SLMAP: variants seen among roughly 807,000 people sequenced by gnomAD.
SLMAP encodes the protein sarcolemma associated protein.
Under a neutral mutation model 128.8 loss-of-function variants are expected in SLMAP, and 44 were observed. That is an observed-to-expected ratio of 0.34 (90% CI 0.27 to 0.44). The LOEUF (loss-of-function observed/expected upper bound fraction) is 0.44, where lower values mean the gene tolerates loss of function less well. Among genes scored for constraint, SLMAP ranks in the 20% least tolerant of loss-of-function variants. The probability of loss-of-function intolerance (pLI) is 1.00; values close to 1 mark genes in which losing one functional copy is unlikely to be tolerated. For missense variants in SLMAP, 787 were observed against 985.3 expected, an observed-to-expected ratio of 0.80 and a Z score of 2.69; for synonymous variants, 327 against 348.8, an observed-to-expected ratio of 0.94 and a Z score of 0.70.
chr3:57,860,598 A>G (rs1217555749), intron 8 of SLMAP, 101 bp from the exon 9 acceptor site: 3 of 861,250 alleles, frequency 3.5e-6, no homozygotes, highest in Non-Finnish European at 5.0e-6. Flanking sequence ...GAGGTACCTT[A>G]ATATATAATT....
chr3:57,926,721 C>A (rs1426167215), intron 24 of SLMAP, among the ~76,000 whole-genome samples: 2 of 152,208 alleles, frequency 1.3e-5, no homozygotes, highest in Non-Finnish European at 2.9e-5. Flanking sequence ...CTTTATTACA[C>A]TGAACAGAGT....
intron 2 of SLMAP, among the ~76,000 whole-genome samples, chr3:57,764,541 A>G (rs1559902006): frequency 6.6e-6 from 1 of 152,114 alleles, no homozygotes; most frequent in Non-Finnish European, 1.5e-5. Context: ...GAGTGATACA[A>G]TAGTGATACA....
At position 57,913,192 on chromosome 3, in the gene SLMAP, A is replaced by T. The variant is rs141033845; in HGVS notation, c.2055A>T (p.Ala685=). ...AGAAGTTGAGAAAGGAATGGAATGC[A>T]TTGGAAACCGAATGCCATTCTCTAA... ...ELEKLRKEWN[A]LETECHSLKR... Residue 685 remains alanine, a synonymous_variant, in exon 21 of 25, where the codon GCA becomes GCT. Transcript: ENST00000671191. 1 of 1,595,156 alleles carries T rather than the reference A, an allele frequency of 6.3e-7. No individual in the cohort carries two copies. Among genetic ancestry groups the T allele is most frequent in the Non-Finnish European group, 8.6e-7 (1 of 1,165,372 alleles).
In SLMAP at chr3:57,774,073, C is replaced by T. The variant is rs553249889; in HGVS notation, c.198+16224C>T. ...AAAGGTAGGTATTAAATGATAGAAA[C>T]TGCTTCAGAACTTCAGTATGAAATA... On this transcript the variant is annotated intron_variant, in intron 2 of 24. Transcript: ENST00000671191. Among the ~76,000 whole-genome samples, 5 of 152,254 alleles carry T rather than the reference C, an allele frequency of 3.3e-5. No homozygotes were observed. The South Asian group carries it at 1.0e-3, about 32-fold the overall frequency.
At chr3:57,925,619 C>T (rs1392985767) in intron 23 of SLMAP, among the ~76,000 whole-genome samples, 1 of 152,132 alleles carries the variant, frequency 6.6e-6, no homozygotes, top group Non-Finnish European at 1.5e-5. Flanking sequence ...TTGAGCCTAA[C>T]GGTTCCTAGC....
At chr3:57,866,261 G>A (rs1424503225) in intron 13 of SLMAP, among the ~76,000 whole-genome samples, 1 of 147,310 alleles carries the variant, frequency 6.8e-6, no homozygotes, top group Admixed American at 6.9e-5. Context: ...GACGAGCAAG[G>A]CCCTGTCTTT....
Position 57,929,288 on chromosome 3 carries a change from G to T in SLMAP, c.*1999G>T, listed in dbSNP as rs1212518540. The T allele has an allele frequency of 1.3e-5, 2 of 152,610 alleles. No individual in the cohort carries two copies. Among genetic ancestry groups the T allele is most frequent in the South Asian group, 4.2e-4 (2 of 4,814 alleles). The allele number at this position is 152,610 out of a possible 1,614,324, so 9.5% of individuals were successfully genotyped here. On this transcript the variant is annotated 3_prime_UTR_variant, in exon 25 of 25. Coordinates refer to ENST00000671191, the MANE Select transcript of SLMAP (RefSeq NM_001377540.1). The stretch of plus-strand genomic sequence containing the variant: ...TAACATACATTTGGTATTCTTCAGG[G>T]TTTAAAAGAAAACACTGAGCTGTTT...
intron 22 of SLMAP, among the ~76,000 whole-genome samples, chr3:57,921,347 C>T (rs551194476): frequency 1.3e-5 from 2 of 152,204 alleles, no homozygotes; most frequent in East Asian, 1.9e-4. Flanking sequence ...TAGAAACAGG[C>T]GGGGCACGGT....
chr3:57,828,040 C>A (rs1020742493), intron 2 of SLMAP, among the ~76,000 whole-genome samples: 2 of 152,186 alleles, frequency 1.3e-5, no homozygotes, highest in African/African-American at 4.8e-5. Context: ...CCTCTGCCCC[C>A]CAGATTCAAG....
chr3:57,897,028 T>C (rs1234941239), intron 17 of SLMAP, 96 bp downstream of exon 17: 1 of 1,563,858 alleles, frequency 6.4e-7, no homozygotes, highest in Non-Finnish European at 8.6e-7. Context: ...TTTTAATTTT[T>C]AGTTAAGAGA....
At chr3:57,914,620 T>C (rs1472391472) in intron 21 of SLMAP, among the ~76,000 whole-genome samples, 1 of 151,964 alleles carries the variant, frequency 6.6e-6, no homozygotes, top group East Asian at 1.9e-4. Context: ...TTTGCTCTTG[T>C]GGCCCAGGCT....
chr3:57,849,683 T>G (rs933174031), intron 5 of SLMAP, 71 bp from the exon 6 acceptor site: 1 of 835,136 alleles, frequency 1.2e-6, no homozygotes, highest in Non-Finnish European at 2.1e-6. Context: ...AGTAGACATT[T>G]CAAGAAATTG....
At chr3:57,841,868 A>G (rs1388070149) in intron 4 of SLMAP, among the ~76,000 whole-genome samples, 1 of 152,158 alleles carries the variant, frequency 6.6e-6, no homozygotes, top group African/African-American at 2.4e-5. Context: ...GAAGGAGTGT[A>G]AAGGTCATTT....
At chr3:57,823,421 C>T (rs746029693) in intron 2 of SLMAP, among the ~76,000 whole-genome samples, 111 of 152,132 alleles carry the variant, frequency 7.3e-4, no homozygotes, top group East Asian at 7.7e-4. Flanking sequence ...TTCCTGTGTC[C>T]ATGTGTTCTC....
At chr3:57,905,362 GC>G (rs549067310) in intron 17 of SLMAP, among the ~76,000 whole-genome samples, 24 of 151,854 alleles carry the variant, frequency 1.6e-4, no homozygotes, top group Non-Finnish European at 3.1e-4. Flanking sequence ...GCTCACTGCA[GC>G]CTTGGCCTCC....
At chr3:57,858,006 G>A in intron 7 of SLMAP, 82 bp from the exon 8 acceptor site, 4 of 997,746 alleles carry the variant, frequency 4.0e-6, no homozygotes, top group Non-Finnish European at 6.3e-6. Context: ...TATATCTTTT[G>A]TTGTCAGTAG....
chr3:57,830,759 C>G (rs367588030), intron 2 of SLMAP, among the ~76,000 whole-genome samples: 53 of 152,312 alleles, frequency 3.5e-4, no homozygotes, highest in African/African-American at 1.1e-3. Context: ...TTTGTAAGCA[C>G]TCATGTACTT....
At chr3:57,808,547 C>A (rs2090344751) in intron 2 of SLMAP, among the ~76,000 whole-genome samples, 1 of 152,156 alleles carries the variant, frequency 6.6e-6, no homozygotes, top group Non-Finnish European at 1.5e-5. Context: ...ATTCAATTTC[C>A]ATGCAGTTGT....
chr3:57,758,483 C>T (rs752063099), intron 2 of SLMAP, among the ~76,000 whole-genome samples: 1 of 152,054 alleles, frequency 6.6e-6, no homozygotes. Context: ...ACACATATTG[C>T]GTTTGAAAAT....
Sources: gnomAD v4.1 joint callset for allele counts (sites outside exome capture counted in the v4.1 genomes callset) on GRCh38, gnomAD v4.1.1 for gene constraint, MANE v1.5 for transcripts, NCBI Gene and HGNC (gene_info 2026-07-23, HGNC 2026-07-21) for gene names.